Variants in MALRD1 observed in about 807,000 individuals in gnomAD.
MALRD1 encodes MAM and LDL receptor class A domain containing 1, also known as MAM and LDL-receptor class A domain-containing protein 1.
In MALRD1, 247 loss-of-function variants were observed where a neutral mutation model predicts 242.1. The ratio of observed to expected loss-of-function variants is 1.02; its 90% CI spans 0.92 to 1.13. The LOEUF (loss-of-function observed/expected upper bound fraction) is 1.13, where lower values mean the gene tolerates loss of function less well. Ranked by LOEUF, MALRD1 falls within the 50% of genes most tolerant of loss-of-function variation. MALRD1 has a pLI of 0.00. For missense variants in MALRD1, 2,989 were observed against 2,533.1 expected, an observed-to-expected ratio of 1.18 and a Z score of -3.86; for synonymous variants, 995 against 866.6, an observed-to-expected ratio of 1.15 and a Z score of -2.60.
chr10:19,428,212 C>T (rs1466335885), intron 28 of MALRD1, among the ~76,000 whole-genome samples: 1 of 151,694 alleles, frequency 6.6e-6, no homozygotes, highest in African/African-American at 2.4e-5. Context: ...AGCGTTTCAC[C>T]GAGATTTCAC....
At chr10:19,716,205 G>T (rs1564564822) in intron 38 of MALRD1, among the ~76,000 whole-genome samples, 1 of 152,120 alleles carries the variant, frequency 6.6e-6, no homozygotes, top group South Asian at 2.1e-4. Flanking sequence ...TTTTTAAAAG[G>T]AGGTGGTATG....
intron 19 of MALRD1, among the ~76,000 whole-genome samples, chr10:19,277,513 G>A (rs531902581): frequency 6.6e-6 from 1 of 152,158 alleles, no homozygotes; most frequent in East Asian, 1.9e-4. Context: ...TGCATGCCTG[G>A]TCCCTCACCT....
chr10:19,401,693 G>A (rs549273448), intron 28 of MALRD1, among the ~76,000 whole-genome samples: 20 of 151,368 alleles, frequency 1.3e-4, no homozygotes, highest in Non-Finnish European at 1.6e-4. Flanking sequence ...TTTAATTCTC[G>A]TGGCTCAAGT....
chr10:19,548,150 C>T (rs971122472), intron 32 of MALRD1, among the ~76,000 whole-genome samples: 9 of 150,966 alleles, frequency 6.0e-5, no homozygotes, highest in Non-Finnish European at 1.0e-4. Flanking sequence ...CAAGCATGCA[C>T]CACCACCCCT....
intron 32 of MALRD1, among the ~76,000 whole-genome samples, chr10:19,539,994 C>T (rs925032023): frequency 5.9e-5 from 9 of 151,674 alleles, no homozygotes; most frequent in Non-Finnish European, 1.0e-4. Context: ...CTGCCCACCT[C>T]GGCCTCCCAT....
chr10:19,534,156 G>A (rs1834546476), intron 32 of MALRD1, among the ~76,000 whole-genome samples: 1 of 152,134 alleles, frequency 6.6e-6, no homozygotes, highest in Non-Finnish European at 1.5e-5. Flanking sequence ...TTCTCCTTTT[G>A]TTACTTGCTA....
intron 4 of MALRD1, among the ~76,000 whole-genome samples, chr10:19,103,454 G>T (rs981963294): frequency 6.6e-6 from 1 of 151,246 alleles, no homozygotes; most frequent in Non-Finnish European, 1.5e-5. Flanking sequence ...CCAGCTACTC[G>T]GGAGGCTGAG....
chr10:19,070,030 C>T lies in MALRD1; in HGVS notation c.340+3171C>T, dbSNP rs1012102471. On this transcript the variant is annotated intron_variant, in intron 2 of 39. Coordinates refer to ENST00000454679, the MANE Select transcript of MALRD1 (RefSeq NM_001142308.3). ...CTAACATGCTGTTAGATGAAATCTCCGCATATATTTTGATTTTGTTTTCTG... is the reference window on the plus strand; with the variant it reads ...CTAACATGCTGTTAGATGAAATCTCTGCATATATTTTGATTTTGTTTTCTG... 4.1e-4 allele frequency among the ~76,000 whole-genome samples: 62 copies of T among 151,952 alleles called. 1 individual carries two copies. The highest frequency in any genetic ancestry group is 7.3e-5 in the African/African-American group (3 of 41,370).
At chr10:19,547,818 A>ATATATATAT (rs1564431908) in intron 32 of MALRD1, among the ~76,000 whole-genome samples, 2 of 16,916 alleles carry the variant, frequency 1.2e-4, no homozygotes, top group African/African-American at 1.9e-4. Flanking sequence ...ATATATATAT[A>ATATATATAT]TTTTTTTTTT....
intron 33 of MALRD1, among the ~76,000 whole-genome samples, chr10:19,586,261 G>T (rs531237512): frequency 1.3e-4 from 20 of 152,312 alleles, no homozygotes; most frequent in African/African-American, 4.8e-4. Flanking sequence ...TTGTTCTGTT[G>T]CTGGTGAGGA....
chr10:19,387,584 C>A lies in MALRD1; in HGVS notation c.4498C>A (p.Gln1500Lys). ...TAATGGAAAATGCTATAGGCTGGAA[C>A]AAAGCTGTAACTTCGTAGATAACTG... Reference protein sequence around the residue: ...CHNGKCYRLEQSCNFVDNCGD... With the variant: ...CHNGKCYRLEKSCNFVDNCGD... Residue 1500 changes from glutamine to lysine, a missense_variant, in exon 27 of 40, where the codon CAA becomes AAA. Coordinates refer to ENST00000454679, the MANE Select transcript of MALRD1 (RefSeq NM_001142308.3). The A allele has an allele frequency of 6.5e-7, 1 of 1,550,368 alleles. No homozygotes were observed. Among genetic ancestry groups the A allele is most frequent in the Non-Finnish European group, 8.7e-7 (1 of 1,146,882 alleles).
chr10:19,374,197 C>T (rs1282636617), intron 26 of MALRD1, among the ~76,000 whole-genome samples: 1 of 152,132 alleles, frequency 6.6e-6, no homozygotes, highest in East Asian at 1.9e-4. Context: ...ATTTAGACTG[C>T]ATGCATAGTA....
At chr10:19,568,342 T>TTTG (rs911371161) in intron 33 of MALRD1, among the ~76,000 whole-genome samples, 24 of 145,206 alleles carry the variant, frequency 1.7e-4, no homozygotes, top group East Asian at 3.9e-4. Context: ...TAAAAGTGGT[T>TTTG]TTGTTGTTGT....
chr10:19,418,147 C>CTCCA (rs1833581942), intron 28 of MALRD1, among the ~76,000 whole-genome samples: 1 of 151,952 alleles, frequency 6.6e-6, no homozygotes, highest in Non-Finnish European at 1.5e-5. Flanking sequence ...ATTGACCTGT[C>CTCCA]TCTATCTATC....
intron 21 of MALRD1, among the ~76,000 whole-genome samples, chr10:19,289,619 A>G (rs1488105015): frequency 6.6e-6 from 1 of 152,140 alleles, no homozygotes; most frequent in African/African-American, 2.4e-5. Flanking sequence ...TCAGCCAAGG[A>G]AGGCTTGAGA....
At chr10:19,710,188 A>C (rs1319405144) in intron 38 of MALRD1, 5 of 152,102 alleles carry the variant, frequency 3.3e-5, no homozygotes, top group African/African-American at 1.2e-4. Context: ...TTTAATTTGG[A>C]TGTCTATATT....
At chr10:19,133,779 G>A (rs1833209825) in intron 8 of MALRD1, 77 bp from the exon 9 acceptor site, 2 of 549,232 alleles carry the variant, frequency 3.6e-6, no homozygotes, top group South Asian at 9.6e-5. Flanking sequence ...CTACTACAGT[G>A]TAATTAAAAG....
intron 26 of MALRD1, among the ~76,000 whole-genome samples, chr10:19,380,111 A>G (rs1044733498): frequency 6.6e-6 from 1 of 150,524 alleles, no homozygotes; most frequent in Non-Finnish European, 1.5e-5. Flanking sequence ...AGTAGCTGGG[A>G]TTACAGACAT....
chr10:19,250,641 A>T (rs966583360), intron 18 of MALRD1, among the ~76,000 whole-genome samples: 2 of 152,002 alleles, frequency 1.3e-5, no homozygotes, highest in African/African-American at 4.8e-5. Context: ...ATCTAAAAAC[A>T]TACAGAGGAA....
Sources: allele counts gnomAD v4.1 joint callset (sites outside exome capture counted in the v4.1 genomes callset), GRCh38; gene constraint gnomAD v4.1.1; transcripts MANE v1.5; gene names NCBI Gene and HGNC (gene_info 2026-07-23, HGNC 2026-07-21).